REXO5: variants seen among roughly 807,000 people sequenced by gnomAD.
The protein encoded by REXO5 is exonuclease NEF-sp.
In REXO5, 48 loss-of-function variants were observed where a neutral mutation model predicts 88.5. The ratio of observed to expected loss-of-function variants is 0.54; its 90% confidence interval spans 0.43 to 0.69. REXO5 has a LOEUF of 0.69. Ranked by LOEUF, REXO5 falls within the 30% of genes least tolerant of loss-of-function variation. REXO5 has a pLI of 0.00. For missense variants in REXO5, 749 were observed against 912.2 expected, an observed-to-expected ratio of 0.82 and a Z score of 2.30; for synonymous variants, 311 against 336.5, an observed-to-expected ratio of 0.92 and a Z score of 0.83.
chr16:20,848,698 T>C (rs35074447), intron 19 of REXO5, among the ~76,000 whole-genome samples: 10,622 of 152,314 alleles, frequency 0.07, 514 homozygotes, highest in East Asian at 0.21. Flanking sequence ...TCCATGAATA[T>C]TCATTACAAG....
intron 18 of REXO5, among the ~76,000 whole-genome samples, 186 bp from the exon 19 acceptor site, chr16:20,846,035 T>C (rs1198918790): frequency 6.6e-6 from 1 of 152,184 alleles, no homozygotes; most frequent in Non-Finnish European, 1.5e-5. Flanking sequence ...CTTAGCCAAC[T>C]TGGAGGCCTG....
At chr16:20,848,080 T>C (rs938915379) in intron 19 of REXO5, among the ~76,000 whole-genome samples, 2 of 152,288 alleles carry the variant, frequency 1.3e-5, no homozygotes, top group Admixed American at 1.3e-4. Flanking sequence ...ACTACTCCTA[T>C]CCTTTAAAAG....
At chr16:20,807,585 GAAAAA>G (rs1013842567) in intron 2 of REXO5, among the ~76,000 whole-genome samples, 1 of 50,582 alleles carries the variant, frequency 2.0e-5, no homozygotes, top group Non-Finnish European at 3.8e-5. Flanking sequence ...TCACGTCTCA[GAAAAA>G]AAAAAAAAAA....
chr16:20,815,101 C>T (rs774713038), intron 4 of REXO5, 48 bp downstream of exon 4: 1 of 1,580,382 alleles, frequency 6.3e-7, no homozygotes, highest in African/African-American at 1.4e-5. Flanking sequence ...TTTTCCCATT[C>T]TGAGACTAAT....
chr16:20,806,434 C>A, upstream of REXO5: 1 of 1,553,496 alleles, frequency 6.4e-7, no homozygotes, highest in Non-Finnish European at 8.7e-7. Context: ...TCGCCATTCC[C>A]GACACTCCTT....
At chr16:20,836,128 A>T (rs2081425873) in intron 13 of REXO5, among the ~76,000 whole-genome samples, 1 of 152,220 alleles carries the variant, frequency 6.6e-6, no homozygotes, top group South Asian at 2.1e-4. Flanking sequence ...GTACCTGGGT[A>T]GTACATTTGT....
chr16:20,820,534 ATATATATATATTTTTTTTTTTTTT>A (rs2081161402), intron 5 of REXO5, among the ~76,000 whole-genome samples: 4 of 13,286 alleles, frequency 3.0e-4, no homozygotes, highest in African/African-American at 9.5e-4. Flanking sequence ...ATATATATAT[ATATATATATATTTTTTTTTTTTTT>A]TTTTTTTTTT....
At chr16:20,825,989 G>T in intron 8 of REXO5, 41 bp downstream of exon 8, 1 of 1,309,932 alleles carries the variant, frequency 7.6e-7, no homozygotes, top group Non-Finnish European at 1.1e-6. Flanking sequence ...AGAGCTATCG[G>T]GCTAGAATGG....
Position 20,814,893 on chromosome 16 carries a change from C to T in REXO5, c.252-34C>T, listed in dbSNP as rs1457711677. On this transcript the variant is annotated intron_variant, in intron 3 of 19. Transcript: ENST00000261377. ...ATGACTGTAACTGACTTAAGGCCAT[C>T]TGTCTTAACTGTGTTGGTTTGATTT... The T allele has an allele frequency of 1.9e-6, 3 of 1,584,420 alleles. No individual in the cohort carries two copies. The Admixed American group carries it at 5.5e-5, about 29-fold the overall frequency.
intron 13 of REXO5, among the ~76,000 whole-genome samples, chr16:20,835,480 G>A (rs1481018739): frequency 1.3e-5 from 2 of 151,996 alleles, no homozygotes; most frequent in Admixed American, 1.3e-4. Flanking sequence ...ATCCTTTTGG[G>A]CATCCTTTCC....
intron 14 of REXO5, chr16:20,840,096 T>C (rs924437733): frequency 1.1e-5 from 6 of 529,076 alleles, no homozygotes; most frequent in Non-Finnish European, 1.7e-5. Context: ...TCACTACATA[T>C]CTTATTTCCC....
At chr16:20,839,291 C>G (rs1347362467) in intron 13 of REXO5, among the ~76,000 whole-genome samples, 1 of 152,122 alleles carries the variant, frequency 6.6e-6, no homozygotes, top group Non-Finnish European at 1.5e-5. Context: ...AATCATGACC[C>G]ATGTTCCTTA....
intron 14 of REXO5, 42 bp from the exon 15 acceptor site, chr16:20,840,289 C>G: frequency 1.4e-6 from 2 of 1,451,628 alleles, no homozygotes; most frequent in Non-Finnish European, 1.8e-6. Flanking sequence ...AGTTCTCTTT[C>G]CATATTCATT....
chr16:20,806,982 G>A lies in REXO5; in HGVS notation c.29G>A (p.Arg10Lys). Residue 10 changes from arginine (R) to lysine (K), a missense_variant, in exon 2 of 20, where the codon AGA (arginine) becomes AAA (lysine). By Grantham distance (26) the Arg-to-Lys change is conservative. Coordinates refer to ENST00000261377, the MANE Select transcript of REXO5 (RefSeq NM_030941.3). Reference protein sequence around the residue: MEPEREGTERHPRKVRESRQ... With the variant: MEPEREGTEKHPRKVRESRQ... ...GAGCCAGAGAGGGAAGGGACCGAGA[G>A]ACACCCCAGGAAGGTCAGGGAAAGC... 6.3e-7 allele frequency: 1 copy of A among 1,598,852 alleles called. No individual in the cohort carries two copies. Among genetic ancestry groups the A allele is most frequent in the Non-Finnish European group, 8.5e-7 (1 of 1,172,734 alleles).
At position 20,814,935 on chromosome 16, in the gene REXO5, AG is replaced by A; in HGVS notation, c.261del (p.Gln87HisfsTer8). On this transcript the variant is annotated frameshift_variant, in exon 4 of 20. Transcript: ENST00000261377. LOFTEE classifies it high-confidence loss of function. ...GTTTGATTTCTTGGCAGCTGGTGCC[AG>A]CTTTTTCATCAAAACCACCTAAACA... ...KSNVPKPSWC[Q>X]LFHQNHLNNV... 6.2e-7 allele frequency: 1 copy of A among 1,612,646 alleles called. No homozygotes were observed. The highest frequency in any genetic ancestry group is 8.5e-7 in the Non-Finnish European group (1 of 1,179,502).
At chr16:20,821,713 G>A in intron 5 of REXO5, 49 bp from the exon 6 acceptor site, 2 of 1,494,592 alleles carry the variant, frequency 1.3e-6, no homozygotes, top group South Asian at 1.4e-5. Flanking sequence ...ATTTCTTCTA[G>A]GGTTCTTAAA....
intron 2 of REXO5, among the ~76,000 whole-genome samples, chr16:20,811,406 A>G (rs918693482): frequency 6.6e-6 from 1 of 152,244 alleles, no homozygotes; most frequent in Admixed American, 6.5e-5. Context: ...TAATTTAAAA[A>G]ACCAGTGTTA....
intron 3 of REXO5, 36 bp downstream of exon 3, chr16:20,813,338 C>T (rs771000898): frequency 1.3e-5 from 11 of 823,002 alleles, no homozygotes; most frequent in East Asian, 1.1e-4. Context: ...TATTGACCAG[C>T]GGTTTCTTTT....
At chr16:20,844,081 A>G (rs2081570779) in intron 16 of REXO5, 55 bp downstream of exon 16, 1 of 1,035,426 alleles carries the variant, frequency 9.7e-7, no homozygotes, top group Admixed American at 1.7e-5. Context: ...CACAGCCTGT[A>G]TTTATAGTGC....
Sources: allele counts gnomAD v4.1 joint callset (sites outside exome capture counted in the v4.1 genomes callset), GRCh38; gene constraint gnomAD v4.1.1; transcripts MANE v1.5; gene names NCBI Gene and HGNC (gene_info 2026-07-23, HGNC 2026-07-21).